ABLIM3: variants seen among roughly 807,000 people sequenced by gnomAD.
ABLIM3 encodes the protein actin binding LIM protein family member 3.
A neutral mutation model predicts 109.5 loss-of-function variants in ABLIM3; 61 were observed. The observed-to-expected ratio is 0.56, with a 90% CI of 0.45 to 0.69. The LOEUF (loss-of-function observed/expected upper bound fraction) is 0.69. Ranked by LOEUF, ABLIM3 falls within the 30% of genes least tolerant of loss-of-function variation. The pLI is 0.00. For synonymous variants in ABLIM3, 300 were observed against 324.8 expected (o/e 0.92, Z 0.82); for missense variants, 796 against 889.5 (o/e 0.89, Z 1.34).
chr5:149,182,958 C>T (rs1238104740), intron 2 of ABLIM3, among the ~76,000 whole-genome samples: 1 of 152,146 alleles, frequency 6.6e-6, no homozygotes, highest in African/African-American at 2.4e-5. Context: ...TGACCACCCT[C>T]ATTTGATAGA....
In ABLIM3 at chr5:149,259,045, T is replaced by TCC. The variant is rs2127581085; in HGVS notation, c.*643_*644dup. ...TCCTTCTGCCCTGGATTGTAACCTC[T>TCC]CCCTTGTCCAAATCTAGGATTCCTG... On this transcript the variant is annotated 3_prime_UTR_variant, in exon 24 of 24. Transcript: ENST00000309868. The TCC allele has an allele frequency of 9.9e-7, 1 of 1,007,766 alleles. No individual in the cohort carries two copies. Among genetic ancestry groups the TCC allele is most frequent in the South Asian group, 4.2e-5 (1 of 23,670 alleles). The allele number at this position is 1,007,766 out of a possible 1,614,324, so 62.4% of individuals were successfully genotyped here.
chr5:149,160,971 C>T (rs1263263867), intron 2 of ABLIM3, among the ~76,000 whole-genome samples: 2 of 152,224 alleles, frequency 1.3e-5, no homozygotes, highest in African/African-American at 4.8e-5. Flanking sequence ...TCCCATCTCT[C>T]GGCCAGCCAT....
intron 22 of ABLIM3, 133 bp from the exon 23 acceptor site, chr5:149,252,624 G>T: frequency 1.4e-6 from 1 of 722,662 alleles, no homozygotes; most frequent in Non-Finnish European, 2.4e-6. Flanking sequence ...AAGAAGGGCA[G>T]ATCCAGCTCT....
chr5:149,181,132 C>T (rs1756417553), intron 2 of ABLIM3, among the ~76,000 whole-genome samples: 1 of 152,104 alleles, frequency 6.6e-6, no homozygotes, highest in South Asian at 2.1e-4. Context: ...AGCTTTGTTT[C>T]CCTTGGCAAT....
In ABLIM3 at chr5:149,240,676, G is replaced by T; in HGVS notation, c.1205G>T (p.Gly402Val). 6.2e-7 allele frequency: 1 copy of T among 1,613,538 alleles called. No homozygotes were observed. The highest frequency in any genetic ancestry group is 2.2e-5 in the East Asian group (1 of 44,864). ...SRSPHHYYRS[G>V]PESGRSSPYH... ...GGCGACCACTTCCTGCGTGCTCCAG[G>T]GCCCGAGAGTGGCCGGAGCTCTCCA... The change falls in exon 14 of 24, where the codon GGG becomes GTG. Residue 402 changes from glycine to valine, a missense_variant and splice_region_variant. Coordinates refer to ENST00000309868, the MANE Select transcript of ABLIM3 (RefSeq NM_014945.5).
At chr5:149,190,440 G>A (rs1757376401) in intron 3 of ABLIM3, among the ~76,000 whole-genome samples, 2 of 152,194 alleles carry the variant, frequency 1.3e-5, no homozygotes, top group Non-Finnish European at 2.9e-5. Flanking sequence ...AGCACTTTGG[G>A]AGGCCGAGGC....
At chr5:149,151,759 A>G (rs558494723) in intron 2 of ABLIM3, among the ~76,000 whole-genome samples, 3 of 152,320 alleles carry the variant, frequency 2.0e-5, no homozygotes, top group African/African-American at 7.2e-5. Flanking sequence ...GTGGTGTTTC[A>G]ATAGTGTAAG....
chr5:149,162,041 G>A (rs1220872572), intron 2 of ABLIM3, among the ~76,000 whole-genome samples: 3 of 152,152 alleles, frequency 2.0e-5, no homozygotes, highest in Non-Finnish European at 4.4e-5. Flanking sequence ...AATAGCCGGA[G>A]TGATCCTTGC....
In ABLIM3 at chr5:149,237,356, G is replaced by T. The variant is rs1003446692; in HGVS notation, c.889-92G>T. 3.8e-6 allele frequency: 5 copies of T among 1,312,432 alleles called. No individual in the cohort carries two copies. The African/African-American group carries it at 5.9e-5, about 15-fold the overall frequency. The allele number at this position is 1,312,432 out of a possible 1,614,324, so 81.3% of individuals were successfully genotyped here. A position where few individuals can be genotyped will look rare whatever the true frequency, so the allele number is the denominator to read the frequency against. ...TTTGTGGTGGAAACTGGAGAAGTTT[G>T]TTCCTTCTGTATCTTGTTTTTGTTT... On this transcript the variant is annotated intron_variant, in intron 10 of 23. Transcript: ENST00000309868.
At chr5:149,216,925 T>C in intron 7 of ABLIM3, 34 bp from the exon 8 acceptor site, 2 of 1,592,212 alleles carry the variant, frequency 1.3e-6, no homozygotes, top group Non-Finnish European at 1.7e-6. Flanking sequence ...CAGCCCTGGC[T>C]CTGACCTCCT....
At chr5:149,184,369 A>T (rs181600810) in intron 3 of ABLIM3, among the ~76,000 whole-genome samples, 3 of 152,106 alleles carry the variant, frequency 2.0e-5, no homozygotes, top group African/African-American at 7.2e-5. Context: ...ATGACCCAAA[A>T]TTTGTAACTT....
At chr5:149,242,620 C>T in intron 15 of ABLIM3, 82 bp downstream of exon 15, 2 of 1,406,764 alleles carry the variant, frequency 1.4e-6, no homozygotes, top group Non-Finnish European at 2.0e-6. Flanking sequence ...CTGCACAGGC[C>T]ACCAGGAGCC....
intron 3 of ABLIM3, among the ~76,000 whole-genome samples, chr5:149,192,257 C>T (rs1382475810): frequency 6.6e-6 from 1 of 151,412 alleles, no homozygotes; most frequent in East Asian, 1.9e-4. Context: ...TAATTGTCTG[C>T]ATAGAAAACC....
rs569775466 is a variant in ABLIM3, at chr5:149,203,716, C to T, written c.448+3288C>T. Among the ~76,000 whole-genome samples, 46 of 151,972 alleles carry T rather than the reference C, an allele frequency of 3.0e-4. No homozygotes were observed. In the South Asian group the frequency reaches 3.7e-3, roughly 12 times the overall value. On this transcript the variant is annotated intron_variant, in intron 5 of 23. Transcript: ENST00000309868. ...ACCATCACCACCATTATTATTACCACCATCATCACTGTCACCATCATCACC... is the reference window on the plus strand; with the variant it reads ...ACCATCACCACCATTATTATTACCATCATCATCACTGTCACCATCATCACC...
rs1158161067 is a variant in ABLIM3 at position 149,225,972 on chromosome 5, GTGTGTGTGTGTA to G, written c.758-4675_758-4664del. On this transcript the variant is annotated intron_variant, in intron 8 of 23. Transcript: ENST00000309868. ...ATGTATATAATATGTGTGTGTGTGTGTGTGTGTGTGTATATATATATATATATATATATATAT... is the reference window on the plus strand; with the variant it reads ...ATGTATATAATATGTGTGTGTGTGTGTATATATATATATATATATATATAT... Among the ~76,000 whole-genome samples, 6 of 73,950 alleles carry G rather than the reference GTGTGTGTGTGTA, an allele frequency of 8.1e-5. No individual in the cohort carries two copies. In the East Asian group the frequency reaches 2.0e-3, roughly 25 times the overall value. The allele number at this position is 73,950 out of a possible 152,430, so 48.5% of individuals were successfully genotyped here.
chr5:149,150,214 G>A (rs1228856124), intron 2 of ABLIM3, among the ~76,000 whole-genome samples: 1 of 152,156 alleles, frequency 6.6e-6, no homozygotes, highest in Non-Finnish European at 1.5e-5. Flanking sequence ...AAGACACCCA[G>A]CACACGGGGC....
intron 2 of ABLIM3, among the ~76,000 whole-genome samples, chr5:149,146,151 C>T (rs984997235): frequency 2.0e-5 from 3 of 151,718 alleles, no homozygotes; most frequent in Admixed American, 6.6e-5. Flanking sequence ...TTTTTGGGGG[C>T]GTGGGGTTTG....
intron 2 of ABLIM3, among the ~76,000 whole-genome samples, chr5:149,165,727 C>T (rs1054726706): frequency 6.6e-6 from 1 of 152,196 alleles, no homozygotes; most frequent in Non-Finnish European, 1.5e-5. Flanking sequence ...ATTCTGATTA[C>T]TTCTCCTCCC....
intron 3 of ABLIM3, among the ~76,000 whole-genome samples, chr5:149,185,660 C>T (rs1756885240): frequency 6.6e-6 from 1 of 152,058 alleles, no homozygotes; most frequent in African/African-American, 2.4e-5. Flanking sequence ...TTTCAATGTC[C>T]GTTTGCTTAA....
Sources: allele counts gnomAD v4.1 joint callset (sites outside exome capture counted in the v4.1 genomes callset), GRCh38; gene constraint gnomAD v4.1.1; transcripts MANE v1.5; gene names NCBI Gene and HGNC (gene_info 2026-07-23, HGNC 2026-07-21).